The following ENPP3 variants were observed in gnomAD, a reference collection of about 807,000 sequenced individuals.
ENPP3 encodes the protein ectonucleotide pyrophosphatase/phosphodiesterase 3, also known as ectonucleotide pyrophosphatase/phosphodiesterase family member 3.
ENPP3 carries 104 observed loss-of-function variants against 117.8 expected under a neutral mutation model. That is an observed-to-expected ratio of 0.88 (90% confidence interval 0.75 to 1.04). ENPP3 has a LOEUF of 1.04. Ranked by LOEUF, ENPP3 falls within the 50% of genes least tolerant of loss-of-function variation. The pLI is 0.00. For synonymous variants in ENPP3, 380 were observed against 349.9 expected (o/e 1.09, Z -0.96); for missense variants, 1,026 against 1,051.9 (o/e 0.98, Z 0.34).
intron 18 of ENPP3, among the ~76,000 whole-genome samples, chr6:131,723,827 T>TCTCTCTCA (rs367662326): frequency 6.2e-5 from 9 of 145,850 alleles, no homozygotes; most frequent in Non-Finnish European, 9.0e-5. Flanking sequence ...TCTCTCTCTC[T>TCTCTCTCA]CACACACACA....
intron 21 of ENPP3, among the ~76,000 whole-genome samples, chr6:131,736,187 A>G (rs1383309007): frequency 6.6e-6 from 1 of 152,124 alleles, no homozygotes; most frequent in Admixed American, 6.5e-5. Flanking sequence ...CTCGCTGAAC[A>G]CTCACTGTGC....
chr6:131,696,378 A>G (rs1779405673), intron 15 of ENPP3, among the ~76,000 whole-genome samples: 1 of 152,216 alleles, frequency 6.6e-6, no homozygotes, highest in African/African-American at 2.4e-5. Context: ...AACCACGTAC[A>G]AGGCTCAAGG....
chr6:131,639,265 A>ATATTTTTTTTTTTT, intron 1 of ENPP3, among the ~76,000 whole-genome samples: 1 of 107,208 alleles, frequency 9.3e-6, no homozygotes. Context: ...ATATATATAT[A>ATATTTTTTTTTTTT]TTTTTTTTTT....
chr6:131,730,227 A>T (rs901670017), intron 20 of ENPP3, among the ~76,000 whole-genome samples: 1 of 152,212 alleles, frequency 6.6e-6, no homozygotes, highest in East Asian at 1.9e-4. Flanking sequence ...TATGGGGCCA[A>T]CTTGGTCAGC....
intron 3 of ENPP3, among the ~76,000 whole-genome samples, chr6:131,651,776 T>A (rs1778268624): frequency 6.6e-6 from 1 of 152,170 alleles, no homozygotes; most frequent in Non-Finnish European, 1.5e-5. Context: ...TAGATAGAGA[T>A]CTGTGTTCCC....
chr6:131,744,376 A>C (rs1234857073), intron 24 of ENPP3, among the ~76,000 whole-genome samples: 4 of 152,210 alleles, frequency 2.6e-5, no homozygotes, highest in African/African-American at 9.7e-5. Flanking sequence ...AGGAGAAATC[A>C]GAACTGCAGA....
At chr6:131,639,341 T>TTG (rs151030170) in intron 1 of ENPP3, among the ~76,000 whole-genome samples, 2,287 of 149,020 alleles carry the variant, frequency 0.015, 71 homozygotes, top group African/African-American at 0.054. Flanking sequence ...GACAGTGGCA[T>TTG]GATCATGGCT....
intron 18 of ENPP3, among the ~76,000 whole-genome samples, chr6:131,722,999 G>A (rs1385413505): frequency 6.6e-6 from 1 of 152,204 alleles, no homozygotes; most frequent in Non-Finnish European, 1.5e-5. Flanking sequence ...CCAAGGGCAA[G>A]GAGTCATAAC....
intron 5 of ENPP3, among the ~76,000 whole-genome samples, chr6:131,656,778 A>C (rs1160533468): frequency 6.6e-6 from 1 of 152,090 alleles, no homozygotes; most frequent in Non-Finnish European, 1.5e-5. Flanking sequence ...AAAAAAAAAA[A>C]AAAAGTTTGT....
At chr6:131,647,411 T>G (rs1778174361) in intron 2 of ENPP3, among the ~76,000 whole-genome samples, 1 of 152,210 alleles carries the variant, frequency 6.6e-6, no homozygotes, top group Non-Finnish European at 1.5e-5. Context: ...TAATTATGTA[T>G]AACACTATGG....
intron 6 of ENPP3, among the ~76,000 whole-genome samples, 164 bp from the exon 7 acceptor site, chr6:131,671,084 G>T (rs990498881): frequency 4.6e-5 from 7 of 152,126 alleles, no homozygotes; most frequent in African/African-American, 1.7e-4. Flanking sequence ...ACATTCCCTG[G>T]AATGGAGGAA....
At chr6:131,730,491 G>A (rs576934253) in intron 20 of ENPP3, among the ~76,000 whole-genome samples, 10 of 152,306 alleles carry the variant, frequency 6.6e-5, no homozygotes, top group African/African-American at 2.4e-4. Context: ...TCACTCAGGA[G>A]CTTCCTGAGA....
intron 1 of ENPP3, chr6:131,638,552 T>G (rs572576151): frequency 2.4e-6 from 1 of 415,346 alleles, no homozygotes; most frequent in Admixed American, 3.3e-5. Context: ...CACAGGCACA[T>G]GCCACAAGGC....
chr6:131,720,544 TATAAGA>T (rs1220208286), intron 17 of ENPP3, among the ~76,000 whole-genome samples, 165 bp downstream of exon 17: 1 of 152,182 alleles, frequency 6.6e-6, no homozygotes, highest in Admixed American at 6.5e-5. Context: ...ATTATTCAGC[TATAAGA>T]GTGAATTCTT....
At chr6:131,727,310 C>A (rs530533137) in intron 20 of ENPP3, among the ~76,000 whole-genome samples, 1 of 152,248 alleles carries the variant, frequency 6.6e-6, no homozygotes, top group East Asian at 1.9e-4. Flanking sequence ...AATCCCAGCA[C>A]TTTGGGAGGC....
At chr6:131,637,782 C>A (rs1282851010) in intron 1 of ENPP3, among the ~76,000 whole-genome samples, 1 of 151,970 alleles carries the variant, frequency 6.6e-6, no homozygotes, top group Non-Finnish European at 1.5e-5. Context: ...TATTTTAAGA[C>A]AAGAAAGTGA....
chr6:131,731,215 C>T (rs1163242161), intron 20 of ENPP3, among the ~76,000 whole-genome samples: 1 of 152,144 alleles, frequency 6.6e-6, no homozygotes, highest in Admixed American at 6.6e-5. Context: ...TTTTTCTTCT[C>T]CCTTATTCCC....
Position 131,658,314 on chromosome 6 carries a change from C to T in ENPP3, c.465-9C>T, listed in dbSNP as rs779543372. ...AAAACAATGGACAAATTTTGTTTTC[C>T]ATTTTCAGGTTTGACCTGCCACCAG... On this transcript the variant is annotated splice_polypyrimidine_tract_variant and intron_variant, in intron 5 of 24. Transcript: ENST00000357639. The T allele has an allele frequency of 1.9e-6, 3 of 1,560,102 alleles. No homozygotes were observed. The highest frequency in any genetic ancestry group is 2.7e-6 in the Non-Finnish European group (3 of 1,131,864).
rs1780646636 is a variant in ENPP3 at position 131,746,864 on chromosome 6, A to T, written c.2536A>T (p.Thr846Ser). Residue 846 changes from threonine to serine, a missense_variant, in exon 25 of 25, where the codon ACT becomes TCT. Physicochemically the swap from Thr to Ser is moderately conservative, Grantham distance 58. Transcript: ENST00000357639. The part of the protein sequence containing the change: ...IARVRDVELL[T>S]GLDFYQDKVQ... ...CCGGGTCCGTGATGTAGAACTTCTCACTGGGCTTGACTTCTATCAGGATAA... is the reference window on the plus strand; with the variant it reads ...CCGGGTCCGTGATGTAGAACTTCTCTCTGGGCTTGACTTCTATCAGGATAA... 6.2e-7 allele frequency: 1 copy of T among 1,613,338 alleles called. No homozygotes were observed. The highest frequency in any genetic ancestry group is 8.5e-7 in the Non-Finnish European group (1 of 1,179,486).
Sources: gnomAD v4.1 joint callset for allele counts (sites outside exome capture counted in the v4.1 genomes callset) on GRCh38, gnomAD v4.1.1 for gene constraint, MANE v1.5 for transcripts, NCBI Gene and HGNC (gene_info 2026-07-23, HGNC 2026-07-21) for gene names.